NCOA6: variants seen among roughly 807,000 people sequenced by gnomAD.
NCOA6 encodes nuclear receptor coactivator 6, also known as NRC RAP250.
A neutral mutation model predicts 171.4 loss-of-function variants in NCOA6; 49 were observed. The observed-to-expected ratio is 0.29, with a 90% confidence interval of 0.23 to 0.36. NCOA6 has a LOEUF of 0.36. NCOA6 is among the 10% of genes least tolerant of loss of function. The pLI, the probability that NCOA6 is intolerant of heterozygous loss-of-function variation, is 1.00. For missense variants in NCOA6, 2,248 were observed against 2,554.5 expected, an observed-to-expected ratio of 0.88 and a Z score of 2.59; for synonymous variants, 910 against 927.5, an observed-to-expected ratio of 0.98 and a Z score of 0.34.
In NCOA6 at chr20:34,750,454, G is replaced by C; in HGVS notation, c.1741C>G (p.Gln581Glu). 6.2e-7 allele frequency: 1 copy of C among 1,613,768 alleles called. No homozygotes were observed. Among genetic ancestry groups the C allele is most frequent in the South Asian group, 1.1e-5 (1 of 91,040 alleles). ...CCATGAATTCCCATGAGGCTGGGCT[G>C]CATCATATTTGGCGGCCCGTGGGAC... ...QVSHGPPNMM[Q>E]PSLMGIHGNM... The change falls in exon 9 of 15, where the codon CAG becomes GAG. Residue 581 changes from glutamine (Q) to glutamate (E), a missense_variant. Gln to Glu is a conservative substitution (Grantham distance 29). Around this residue, in one of 7 missense-constraint regions of NCOA6, gnomAD observed 987 missense variants for 1,104.7 expected, o/e 0.89. Transcript: ENST00000359003.
chr20:34,758,264 G>A (rs1440076380), intron 6 of NCOA6, among the ~76,000 whole-genome samples, 160 bp from the exon 7 acceptor site: 2 of 152,214 alleles, frequency 1.3e-5, no homozygotes, highest in African/African-American at 4.8e-5. Flanking sequence ...AACATACCAA[G>A]ATGATGAATT....
intron 1 of NCOA6, among the ~76,000 whole-genome samples, chr20:34,808,746 ACTTTAGATCTT>A (rs1437043181): frequency 6.6e-6 from 1 of 152,072 alleles, no homozygotes; most frequent in East Asian, 1.9e-4. Flanking sequence ...CCTTGTCTGC[ACTTTAGATCTT>A]CTTGAGATCT....
intron 7 of NCOA6, 52 bp from the exon 8 acceptor site, chr20:34,754,920 C>T: frequency 6.3e-7 from 1 of 1,590,254 alleles, no homozygotes; most frequent in Non-Finnish European, 8.6e-7. Context: ...TATACTCTTG[C>T]TTAGATATGG....
chr20:34,776,414 G>A lies in NCOA6; in HGVS notation c.270C>T (p.Pro90=). ...SSKLKVQKVE[P]WNSVRVTFNI... ...TGAATGTCACACGCACGCTGTTCCA[G>A]GGCTCCACCTTCTGTACTTTTAGCT... The change falls in exon 4 of 15, where the codon CCC becomes CCT. Residue 90 remains proline (P), a synonymous_variant. Transcript: ENST00000359003. 1.2e-6 allele frequency: 2 copies of A among 1,614,124 alleles called. No homozygotes were observed. Among genetic ancestry groups the A allele is most frequent in the Non-Finnish European group, 8.5e-7 (1 of 1,180,038 alleles).
chr20:34,814,290 G>T (rs1167180627), intron 1 of NCOA6, among the ~76,000 whole-genome samples: 1 of 151,886 alleles, frequency 6.6e-6, no homozygotes, highest in Admixed American at 6.6e-5. Context: ...AGTGAGCTGA[G>T]ATCACGCCAC....
Position 34,782,138 on chromosome 20 carries a change from G to A in NCOA6, c.218C>T (p.Pro73Leu), listed in dbSNP as rs2077530844. ...CAAATTACCCATGTGTAACAAATTG[G>A]GCACGTTTTTCAATATTGCATCTAA... ...WKLDAILKNV[P>L]NLLHMESSKL... Residue 73 changes from proline (P) to leucine (L), a missense_variant, in exon 3 of 15, where the codon CCC (proline) becomes CTC (leucine). Coordinates refer to ENST00000359003, the MANE Select transcript of NCOA6 (RefSeq NM_014071.5). 3 of 1,594,448 alleles carry A rather than the reference G, an allele frequency of 1.9e-6. No individual in the cohort carries two copies.
chr20:34,804,720 A>G (rs983730116), intron 1 of NCOA6, among the ~76,000 whole-genome samples: 1 of 152,088 alleles, frequency 6.6e-6, no homozygotes, highest in Non-Finnish European at 1.5e-5. Context: ...TTAATCACAC[A>G]TAACTGTATA....
At chr20:34,802,069 C>T (rs1420257264) in intron 1 of NCOA6, among the ~76,000 whole-genome samples, 4 of 152,026 alleles carry the variant, frequency 2.6e-5, no homozygotes, top group Non-Finnish European at 5.9e-5. Flanking sequence ...ACCCTGATAC[C>T]AAAAGCAAAG....
At chr20:34,792,151 T>C (rs188686230) in intron 2 of NCOA6, among the ~76,000 whole-genome samples, 3 of 152,268 alleles carry the variant, frequency 2.0e-5, no homozygotes, top group Admixed American at 2.0e-4. Context: ...AAGTACAATA[T>C]CCTATTATCA....
chr20:34,742,221 C>T lies in NCOA6; in HGVS notation c.4035G>A (p.Gly1345=). Residue 1345 remains glycine (G), a synonymous_variant, in exon 11 of 15, where the codon GGG becomes GGA. Transcript: ENST00000359003. The part of the protein sequence containing the change: ...GSSRKTTPSP[G]RQNSKAPKLT... ...GTTTAGGGGCTTTTGAATTTTGCCT[C>T]CCAGGGCTTGGAGTGGTTTTCCTAC... 1 of 1,614,194 alleles carries T rather than the reference C, an allele frequency of 6.2e-7. No homozygotes were observed. The highest frequency in any genetic ancestry group is 8.5e-7 in the Non-Finnish European group (1 of 1,180,046).
chr20:34,727,858 G>A (rs1004813805), intron 13 of NCOA6, among the ~76,000 whole-genome samples: 1 of 151,790 alleles, frequency 6.6e-6, no homozygotes, highest in Non-Finnish European at 1.5e-5. Flanking sequence ...CGAGTAGCTG[G>A]GACTACAGCC....
chr20:34,766,570 T>C (rs1202586926), intron 5 of NCOA6, among the ~76,000 whole-genome samples: 2 of 152,148 alleles, frequency 1.3e-5, no homozygotes, highest in Non-Finnish European at 2.9e-5. Flanking sequence ...AAAAAAGCAC[T>C]ATAATTTACA....
chr20:34,743,428 C>T (rs2076212445), intron 10 of NCOA6, 87 bp from the exon 11 acceptor site: 3 of 1,366,842 alleles, frequency 2.2e-6, no homozygotes, highest in South Asian at 1.4e-5. Context: ...CAATACTCAT[C>T]TAGGTGGCAC....
chr20:34,761,299 G>A (rs1405486876), intron 5 of NCOA6, among the ~76,000 whole-genome samples: 1 of 152,010 alleles, frequency 6.6e-6, no homozygotes, highest in Admixed American at 6.5e-5. Context: ...AATTTCTGAA[G>A]GCTTAACATT....
At position 34,782,124 on chromosome 20, in the gene NCOA6, T is replaced by G; in HGVS notation, c.232A>C (p.Met78Leu). ...AAAAATAATTAAAGCAAATTACCCATGTGTAACAAATTGGGCACGTTTTTC... is the reference window on the plus strand; with the variant it reads ...AAAAATAATTAAAGCAAATTACCCAGGTGTAACAAATTGGGCACGTTTTTC... ...ILKNVPNLLH[M>L]ESSKLKVQKV... Residue 78 changes from methionine (M) to leucine (L), a missense_variant, in exon 3 of 15, where the codon ATG (methionine) becomes CTG (leucine). By Grantham distance (15) the Met-to-Leu change is conservative. Coordinates refer to ENST00000359003, the MANE Select transcript of NCOA6 (RefSeq NM_014071.5). 1 of 1,572,088 alleles carries G rather than the reference T, an allele frequency of 6.4e-7. No homozygotes were observed. The highest frequency in any genetic ancestry group is 1.1e-5 in the South Asian group (1 of 87,356).
intron 10 of NCOA6, 73 bp downstream of exon 10, chr20:34,746,734 C>A: frequency 6.9e-7 from 1 of 1,445,258 alleles, no homozygotes; most frequent in Non-Finnish European, 9.3e-7. Flanking sequence ...CTATTGTTTC[C>A]TTGAAGACAT....
chr20:34,769,219 C>G lies in NCOA6; in HGVS notation c.392-633G>C, dbSNP rs149084206. On this transcript the variant is annotated intron_variant, in intron 4 of 14. Transcript: ENST00000359003. ...AGGTTTTTGTTTTCTGAGATGGGGT[C>G]TCACTTTGTCACCCAGGCTGCAGTG... Among the ~76,000 whole-genome samples, 5 of 152,256 alleles carry G rather than the reference C, an allele frequency of 3.3e-5. 1 individual carries two copies. The East Asian group carries it at 9.7e-4, about 29-fold the overall frequency.
intron 1 of NCOA6, among the ~76,000 whole-genome samples, chr20:34,794,390 G>A (rs886224400): frequency 2.6e-5 from 4 of 152,094 alleles, no homozygotes; most frequent in African/African-American, 4.8e-5. Context: ...ATAAGATGAC[G>A]TATGTATAGT....
At chr20:34,746,673 C>T in intron 10 of NCOA6, 134 bp downstream of exon 10, 1 of 1,072,068 alleles carries the variant, frequency 9.3e-7, no homozygotes, top group Non-Finnish European at 1.2e-6. Context: ...CTTCCAAATA[C>T]CAGACACATT....
Sources: allele counts gnomAD v4.1 joint callset (sites outside exome capture counted in the v4.1 genomes callset), GRCh38; gene constraint gnomAD v4.1.1; regional missense constraint gnomAD v4.1.1; transcripts MANE v1.5; gene names NCBI Gene and HGNC (gene_info 2026-07-23, HGNC 2026-07-21).